ADCY10: variants seen among roughly 807,000 people sequenced by gnomAD.
ADCY10 encodes adenylate cyclase type 10.
In ADCY10, 156 loss-of-function variants were observed where a neutral mutation model predicts 183.3. The observed-to-expected ratio is 0.85, with a 90% CI of 0.75 to 0.97. The LOEUF (loss-of-function observed/expected upper bound fraction) is 0.97. Ranked by LOEUF, ADCY10 falls within the 50% of genes least tolerant of loss-of-function variation. The probability of loss-of-function intolerance (pLI) is 0.00; values close to 1 mark genes in which losing one functional copy is unlikely to be tolerated. For synonymous variants in ADCY10, 645 were observed against 670.0 expected, an observed-to-expected ratio of 0.96 and a Z score of 0.58; for missense variants, 1,745 against 1,934.3, an observed-to-expected ratio of 0.90 and a Z score of 1.84.
At chr1:167,862,824 A>G (rs1288765401) in intron 14 of ADCY10, among the ~76,000 whole-genome samples, 3 of 152,234 alleles carry the variant, frequency 2.0e-5, no homozygotes, top group Admixed American at 6.5e-5. Context: ...TTCCCCTCAC[A>G]CTGTTTAGGT....
At chr1:167,840,174 C>T (rs1664511130) in intron 21 of ADCY10, among the ~76,000 whole-genome samples, 1 of 151,572 alleles carries the variant, frequency 6.6e-6, no homozygotes, top group Non-Finnish European at 1.5e-5. Flanking sequence ...TGAGGCTGCA[C>T]TAAGCCCAGA....
chr1:167,822,503 A>G (rs550607513), intron 29 of ADCY10, among the ~76,000 whole-genome samples: 1 of 152,126 alleles, frequency 6.6e-6, no homozygotes, highest in African/African-American at 2.4e-5. Flanking sequence ...TGTGGGGAAA[A>G]CAATTCAGGT....
At chr1:167,827,808 G>A (rs1168159193) in intron 26 of ADCY10, among the ~76,000 whole-genome samples, 2 of 151,740 alleles carry the variant, frequency 1.3e-5, no homozygotes, top group Non-Finnish European at 2.9e-5. Context: ...CTGCCTCCTG[G>A]GTTCAAGCAA....
intron 14 of ADCY10, among the ~76,000 whole-genome samples, chr1:167,863,822 C>T (rs4468142): frequency 0.18 from 27,459 of 152,148 alleles, 3,027 homozygotes; most frequent in East Asian, 0.4. Context: ...ACTTGGAGTC[C>T]GGACAACTAA....
chr1:167,910,188 G>A (rs574497253), intron 1 of ADCY10, among the ~76,000 whole-genome samples: 1 of 152,272 alleles, frequency 6.6e-6, no homozygotes, highest in Non-Finnish European at 1.5e-5. Flanking sequence ...CTGCTACAAT[G>A]GTATCTGTGG....
chr1:167,852,388 G>A (rs1347664583), intron 18 of ADCY10, among the ~76,000 whole-genome samples: 1 of 152,000 alleles, frequency 6.6e-6, no homozygotes, highest in Non-Finnish European at 1.5e-5. Flanking sequence ...AGATTGCAGT[G>A]AGCCGAGATC....
At chr1:167,910,908 T>A (rs1484512426) in intron 1 of ADCY10, among the ~76,000 whole-genome samples, 1 of 152,238 alleles carries the variant, frequency 6.6e-6, no homozygotes, top group Non-Finnish European at 1.5e-5. Flanking sequence ...ATCTGAATTT[T>A]AAATAAACAA....
intron 5 of ADCY10, among the ~76,000 whole-genome samples, chr1:167,900,245 A>C (rs1395530086): frequency 6.6e-6 from 1 of 152,174 alleles, no homozygotes; most frequent in Non-Finnish European, 1.5e-5. Context: ...TAATACAATC[A>C]ATGTTTATTT....
chr1:167,871,222 T>A (rs1229609471), intron 13 of ADCY10, among the ~76,000 whole-genome samples: 1 of 152,168 alleles, frequency 6.6e-6, no homozygotes, highest in Non-Finnish European at 1.5e-5. Flanking sequence ...TAAAGGAAAT[T>A]TGCCCTCTGT....
At chr1:167,880,762 T>A (rs1474619097) in intron 9 of ADCY10, among the ~76,000 whole-genome samples, 153 bp from the exon 10 acceptor site, 1 of 152,216 alleles carries the variant, frequency 6.6e-6, no homozygotes, top group African/African-American at 2.4e-5. Context: ...TTAGTACACT[T>A]CAAACACTTC....
rs917671019 is a variant in ADCY10, at chr1:167,824,459, T to C, written c.4052+17A>G. ...GCCTCCTCCCCCTAATTTTGGAAAA[T>C]GCTTTAAGATAAATACCTGCTGTTC... On this transcript the variant is annotated intron_variant, in intron 28 of 32. Coordinates refer to ENST00000367851, the MANE Select transcript of ADCY10 (RefSeq NM_018417.6). The C allele has an allele frequency of 1.9e-6, 3 of 1,611,248 alleles. No individual in the cohort carries two copies. The highest frequency in any genetic ancestry group is 2.5e-6 in the Non-Finnish European group (3 of 1,177,856).
At chr1:167,851,429 C>T (rs916468828) in intron 18 of ADCY10, among the ~76,000 whole-genome samples, 4 of 152,196 alleles carry the variant, frequency 2.6e-5, no homozygotes, top group African/African-American at 4.8e-5. Flanking sequence ...TCAAGCAATC[C>T]GCCCGCCTCA....
At chr1:167,898,804 C>A (rs573890029) in intron 6 of ADCY10, among the ~76,000 whole-genome samples, 1 of 152,048 alleles carries the variant, frequency 6.6e-6, no homozygotes, top group East Asian at 1.9e-4. Flanking sequence ...TTCTTTCTGC[C>A]GCGTAGTCCC....
intron 31 of ADCY10, among the ~76,000 whole-genome samples, chr1:167,816,600 G>A (rs1558142527): frequency 6.6e-6 from 1 of 151,996 alleles, no homozygotes; most frequent in Non-Finnish European, 1.5e-5. Flanking sequence ...TTCTATAAAG[G>A]AACAACAACA....
At chr1:167,887,773 A>G (rs1267979805) in intron 8 of ADCY10, among the ~76,000 whole-genome samples, 1 of 151,310 alleles carries the variant, frequency 6.6e-6, no homozygotes. Context: ...CTGATAAAAT[A>G]ATTCTAAAAA....
intron 1 of ADCY10, among the ~76,000 whole-genome samples, chr1:167,906,180 G>A (rs571113523): frequency 1.1e-4 from 17 of 151,886 alleles, no homozygotes; most frequent in African/African-American, 3.6e-4. Context: ...AAATAACTCA[G>A]GGAAAAATAT....
intron 8 of ADCY10, among the ~76,000 whole-genome samples, chr1:167,884,623 T>A (rs1257450713): frequency 1.3e-5 from 2 of 151,114 alleles, no homozygotes; most frequent in Admixed American, 1.3e-4. Flanking sequence ...TTCCTCCTCA[T>A]CCCCCACTAC....
chr1:167,816,288 GT>G (rs1384055883), intron 31 of ADCY10, among the ~76,000 whole-genome samples: 2 of 152,128 alleles, frequency 1.3e-5, no homozygotes, highest in African/African-American at 4.8e-5. Flanking sequence ...GTTCACACCT[GT>G]AATCCCAGCA....
intron 31 of ADCY10, among the ~76,000 whole-genome samples, chr1:167,812,790 G>A (rs1230211392): frequency 1.3e-5 from 2 of 152,136 alleles, no homozygotes; most frequent in South Asian, 4.1e-4. Context: ...GAAAATAATG[G>A]AAATAACAGT....
Sources: allele counts gnomAD v4.1 joint callset (sites outside exome capture counted in the v4.1 genomes callset), GRCh38; gene constraint gnomAD v4.1.1; transcripts MANE v1.5; gene names NCBI Gene and HGNC (gene_info 2026-07-23, HGNC 2026-07-21).